Variants in CHODL observed in about 807,000 individuals in gnomAD.
CHODL encodes the protein transmembrane protein MT75.
Under a neutral mutation model 34.5 loss-of-function variants are expected in CHODL, and 29 were observed. The observed-to-expected ratio is 0.84, with a 90% CI of 0.63 to 1.15. The LOEUF (loss-of-function observed/expected upper bound fraction) is 1.15, where lower values mean the gene tolerates loss of function less well. Among genes scored for constraint, CHODL ranks in the 50% most tolerant of loss-of-function variants. The pLI is 0.00. For synonymous variants in CHODL, 125 were observed against 116.1 expected (o/e 1.08, Z -0.49); for missense variants, 332 against 332.5 (o/e 1.00, Z 0.01).
intron 2 of CHODL, among the ~76,000 whole-genome samples, chr21:18,092,493 C>G (rs976022131): frequency 2.0e-5 from 3 of 152,150 alleles, no homozygotes; most frequent in Admixed American, 6.5e-5. Flanking sequence ...AATAAGGCAC[C>G]AGGGACTAAT....
At chr21:18,173,400 A>G (rs988378369) in intron 2 of CHODL, among the ~76,000 whole-genome samples, 28 of 152,162 alleles carry the variant, frequency 1.8e-4, no homozygotes, top group Admixed American at 1.8e-3. Flanking sequence ...AGTAAATTAT[A>G]AGAAGTTTTT....
At chr21:18,133,210 A>G (rs773454513) in intron 2 of CHODL, among the ~76,000 whole-genome samples, 1 of 152,136 alleles carries the variant, frequency 6.6e-6, no homozygotes, top group Non-Finnish European at 1.5e-5. Context: ...TTTGTGTGCA[A>G]TCCCTTCTGG....
chr21:18,136,880 CCA>C (rs2072740659), intron 2 of CHODL, among the ~76,000 whole-genome samples: 1 of 150,492 alleles, frequency 6.6e-6, no homozygotes, highest in African/African-American at 2.5e-5. Context: ...TGTGATAATC[CCA>C]TAAGATGTGC....
intron 2 of CHODL, among the ~76,000 whole-genome samples, chr21:18,174,739 T>C (rs370907280): frequency 1.3e-5 from 2 of 152,316 alleles, no homozygotes; most frequent in East Asian, 3.9e-4. Context: ...TTGTCAGGCC[T>C]GGACAAGGAT....
chr21:18,063,877 T>C (rs2064698937), intron 2 of CHODL, among the ~76,000 whole-genome samples: 2 of 152,272 alleles, frequency 1.3e-5, no homozygotes, highest in Admixed American at 6.5e-5. Flanking sequence ...TCTCTCTTTT[T>C]CTCACATTTC....
chr21:18,051,743 C>G (rs993614331), intron 2 of CHODL, among the ~76,000 whole-genome samples: 23 of 151,906 alleles, frequency 1.5e-4, no homozygotes, highest in African/African-American at 5.6e-4. Context: ...TTCCCGTTAA[C>G]TACTTCTTAA....
chr21:18,146,219 C>T (rs1487529658), intron 2 of CHODL, among the ~76,000 whole-genome samples: 4 of 151,582 alleles, frequency 2.6e-5, no homozygotes, highest in Admixed American at 6.6e-5. Context: ...CATCGTTATC[C>T]GCCCACCTCG....
At chr21:18,217,227 G>A (rs2073839128) in intron 2 of CHODL, among the ~76,000 whole-genome samples, 1 of 152,108 alleles carries the variant, frequency 6.6e-6, no homozygotes, top group Admixed American at 6.5e-5. Context: ...GAATCTTTGT[G>A]TTAGTCCATT....
At chr21:17,967,635 A>G (rs1008697303) in intron 1 of CHODL, among the ~76,000 whole-genome samples, 6 of 152,146 alleles carry the variant, frequency 3.9e-5, no homozygotes, top group African/African-American at 1.4e-4. Flanking sequence ...ACTGCTTTCT[A>G]CTTGGCAATG....
chr21:17,927,061 T>C (rs1471283808), intron 1 of CHODL, among the ~76,000 whole-genome samples: 1 of 150,898 alleles, frequency 6.6e-6, no homozygotes, highest in Non-Finnish European at 1.5e-5. Context: ...TATGTGTATA[T>C]GTATGTATAT....
chr21:17,986,173 A>G (rs1287351390), intron 1 of CHODL, among the ~76,000 whole-genome samples: 2 of 151,406 alleles, frequency 1.3e-5, no homozygotes, highest in African/African-American at 2.4e-5. Context: ...TTATTTATTC[A>G]TTTTTATTAT....
intron 2 of CHODL, among the ~76,000 whole-genome samples, chr21:18,154,930 A>G (rs2146633358): frequency 6.6e-6 from 1 of 152,304 alleles, no homozygotes; most frequent in South Asian, 2.1e-4. Flanking sequence ...GAAGGCTGAG[A>G]GAAGCAGATG....
chr21:18,174,020 A>G (rs991203668), intron 2 of CHODL, among the ~76,000 whole-genome samples: 1 of 139,628 alleles, frequency 7.2e-6, no homozygotes, highest in Non-Finnish European at 1.6e-5. Context: ...ACCTTCAAAC[A>G]GAAAAAAATC....
At chr21:18,055,624 C>A (rs537052703) in intron 2 of CHODL, among the ~76,000 whole-genome samples, 2 of 152,038 alleles carry the variant, frequency 1.3e-5, no homozygotes, top group South Asian at 4.2e-4. Flanking sequence ...TCCGGCAGGG[C>A]TAAAGTGTGG....
At chr21:18,086,722 C>T (rs180942424) in intron 2 of CHODL, among the ~76,000 whole-genome samples, 2 of 152,056 alleles carry the variant, frequency 1.3e-5, no homozygotes, top group African/African-American at 4.8e-5. Context: ...GTCTTTTGGC[C>T]CCAGTGGTGG....
chr21:18,213,008 A>G (rs1189768067), intron 2 of CHODL, among the ~76,000 whole-genome samples: 2 of 152,118 alleles, frequency 1.3e-5, no homozygotes, highest in Non-Finnish European at 2.9e-5. Context: ...CATTTAGGAA[A>G]CACTAATAGA....
chr21:18,073,608 A>C (rs558354236), intron 2 of CHODL, among the ~76,000 whole-genome samples: 1 of 152,206 alleles, frequency 6.6e-6, no homozygotes, highest in Admixed American at 6.5e-5. Flanking sequence ...ATGATTATTC[A>C]ACCGGCATTA....
intron 1 of CHODL, among the ~76,000 whole-genome samples, chr21:17,933,160 A>T (rs1220630697): frequency 6.6e-6 from 1 of 152,198 alleles, no homozygotes. Flanking sequence ...TTTTACACTG[A>T]GACATTCCAT....
At chr21:18,122,104 T>C (rs2065486906) in intron 2 of CHODL, among the ~76,000 whole-genome samples, 1 of 152,192 alleles carries the variant, frequency 6.6e-6, no homozygotes, top group Admixed American at 6.5e-5. Flanking sequence ...TAATCTCTAT[T>C]CATGAAGAAT....
Sources: allele counts gnomAD v4.1 joint callset (sites outside exome capture counted in the v4.1 genomes callset), GRCh38; gene constraint gnomAD v4.1.1; transcripts MANE v1.5; gene names NCBI Gene and HGNC (gene_info 2026-07-23, HGNC 2026-07-21).